Variants in XPO7 observed in about 807,000 individuals in gnomAD.
XPO7 encodes exportin 7, also known as exportin-7.
A neutral mutation model predicts 144.3 loss-of-function variants in XPO7; 21 were observed. The ratio of observed to expected loss-of-function variants is 0.15; its 90% CI spans 0.10 to 0.21. XPO7 has a LOEUF of 0.21. XPO7 is among the 10% of genes least tolerant of loss of function. The pLI, the probability that XPO7 is intolerant of heterozygous loss-of-function variation, is 1.00. For synonymous variants in XPO7, 580 were observed against 499.6 expected, an observed-to-expected ratio of 1.16 and a Z score of -2.15; for missense variants, 808 against 1,325.8, an observed-to-expected ratio of 0.61 and a Z score of 6.06.
At chr8:21,978,299 T>G (rs1812291972) in intron 8 of XPO7, among the ~76,000 whole-genome samples, 1 of 152,246 alleles carries the variant, frequency 6.6e-6, no homozygotes, top group Non-Finnish European at 1.5e-5. Flanking sequence ...AATGGTGTAT[T>G]TCTCTTTTAA....
chr8:21,920,657 G>A (rs1352161397), intron 1 of XPO7, among the ~76,000 whole-genome samples: 1 of 152,218 alleles, frequency 6.6e-6, no homozygotes, highest in African/African-American at 2.4e-5. Flanking sequence ...CCCAGTAGCA[G>A]ATGGAGGACT....
intron 1 of XPO7, among the ~76,000 whole-genome samples, chr8:21,932,071 A>G (rs1460194984): frequency 7.9e-5 from 12 of 151,966 alleles, no homozygotes; most frequent in Non-Finnish European, 1.2e-4. Flanking sequence ...ACGGAGTTTC[A>G]CCGTGTTGGC....
chr8:21,996,784 T>C (rs1378225197), intron 21 of XPO7, among the ~76,000 whole-genome samples: 1 of 152,132 alleles, frequency 6.6e-6, no homozygotes, highest in Non-Finnish European at 1.5e-5. Context: ...AGGTTTTTTT[T>C]CTTTATTTTT....
At position 21,984,739 on chromosome 8, in the gene XPO7, G is replaced by T. The variant is rs373053127; in HGVS notation, c.1371G>T (p.Thr457=). The T allele has an allele frequency of 6.2e-7, 1 of 1,613,994 alleles. No homozygotes were observed. Among genetic ancestry groups the T allele is most frequent in the Non-Finnish European group, 8.5e-7 (1 of 1,179,892 alleles). The change falls in exon 12 of 28, where the codon ACG becomes ACT. Residue 457 remains threonine (T), a synonymous_variant. Coordinates refer to ENST00000252512, the MANE Select transcript of XPO7 (RefSeq NM_015024.5). ...TTGGGCGTTGTGAATATGAGAAGAC[G>T]TGTGCACTCCTCGTGCAGTTGTTTG... ...STIGRCEYEK[T]CALLVQLFDQ... is the part of the protein sequence containing the mutation.
intron 1 of XPO7, among the ~76,000 whole-genome samples, chr8:21,953,425 C>T (rs933588417): frequency 6.6e-6 from 1 of 152,138 alleles, no homozygotes; most frequent in African/African-American, 2.4e-5. Flanking sequence ...ATTTAAGTTC[C>T]TCTATGTCTT....
chr8:21,965,688 T>A (rs1056304866), intron 1 of XPO7, among the ~76,000 whole-genome samples: 1 of 152,172 alleles, frequency 6.6e-6, no homozygotes, highest in African/African-American at 2.4e-5. Context: ...TCAGGTTGAG[T>A]AAAATATGAA....
chr8:21,983,356 A>G (rs1205965584), intron 11 of XPO7, among the ~76,000 whole-genome samples: 1 of 152,226 alleles, frequency 6.6e-6, no homozygotes, highest in East Asian at 1.9e-4. Flanking sequence ...AGCCCTTTCA[A>G]AAATTACCTA....
Position 21,919,762 on chromosome 8 carries a change from T to C in XPO7, c.-9T>C, listed in dbSNP as rs1585406296. On this transcript the variant is annotated 5_prime_UTR_variant, in exon 1 of 28. It removes an upstream start codon present in the reference 5' UTR. Transcript: ENST00000252512. ...AGGGGGGGCCGGAGAGGAGCATGAATGGAGCAAAATGGCGGATCATGTGCA... is the reference window on the plus strand; with the variant it reads ...AGGGGGGGCCGGAGAGGAGCATGAACGGAGCAAAATGGCGGATCATGTGCA... 1.9e-6 allele frequency: 1 copy of C among 538,632 alleles called. No individual in the cohort carries two copies. Among genetic ancestry groups the C allele is most frequent in the Non-Finnish European group, 2.6e-6 (1 of 379,882 alleles). 33.4% of individuals were successfully genotyped at this position (538,632 alleles called of 1,614,324 possible). A position where few individuals can be genotyped will look rare whatever the true frequency, so the allele number is the denominator to read the frequency against.
Position 21,981,839 on chromosome 8 carries a change from A to T in XPO7, c.1066A>T (p.Ile356Phe), listed in dbSNP as rs1431943366. The change falls in exon 10 of 28, where the codon ATC becomes TTC. Residue 356 changes from isoleucine (I) to phenylalanine (F), a missense_variant. This residue lies in a region of XPO7 where 26 missense variants were observed against 85.8 expected (regional missense o/e 0.30). Coordinates refer to ENST00000252512, the MANE Select transcript of XPO7 (RefSeq NM_015024.5). ...AAAGGTGGAAAACTACCCTGAGGTC[A>T]TCCGATTGATAGCCAACTTCACAGT... ...LVKVENYPEV[I>F]RLIANFTVTS... The T allele has an allele frequency of 3.1e-6, 5 of 1,613,958 alleles. No individual in the cohort carries two copies. Among genetic ancestry groups the T allele is most frequent in the Non-Finnish European group, 4.2e-6 (5 of 1,179,828 alleles).
chr8:21,966,012 CTTAA>C (rs1308795538), intron 1 of XPO7, among the ~76,000 whole-genome samples: 4 of 152,082 alleles, frequency 2.6e-5, no homozygotes, highest in Non-Finnish European at 5.9e-5. Context: ...GAAGTATAGT[CTTAA>C]TTAGTTACTT....
At position 21,977,754 on chromosome 8, in the gene XPO7, T is replaced by C. The variant is rs1412608017; in HGVS notation, c.764-16T>C. On this transcript the variant is annotated splice_polypyrimidine_tract_variant and intron_variant, in intron 7 of 27. Coordinates refer to ENST00000252512, the MANE Select transcript of XPO7 (RefSeq NM_015024.5). ...ATACTTAATAAAGTGATGTCTTTTG[T>C]CTTTTTCTTCCCCAGCCTTCTTAGA... The C allele has an allele frequency of 6.2e-7, 1 of 1,613,446 alleles. No homozygotes were observed.
chr8:21,926,555 GT>G lies in XPO7; in HGVS notation c.18+6777del, dbSNP rs80094754. ...TTTGGCAAAAATTATTTCAAAGCTT[GT>G]TTTTTTTTTAACCTCATTCACCTCT... On this transcript the variant is annotated intron_variant, in intron 1 of 27. Transcript: ENST00000252512. Among the ~76,000 whole-genome samples, 1,592 of 148,498 alleles carry G rather than the reference GT, an allele frequency of 0.011. 53 individuals are homozygous for G. In the East Asian group the frequency reaches 0.11, roughly 11 times the overall value.
At chr8:21,953,321 T>A (rs1192387759) in intron 1 of XPO7, among the ~76,000 whole-genome samples, 1 of 152,194 alleles carries the variant, frequency 6.6e-6, no homozygotes, top group Non-Finnish European at 1.5e-5. Flanking sequence ...TTCTGCTGTC[T>A]CTATTGTTTT....
intron 21 of XPO7, 135 bp from the exon 22 acceptor site, chr8:21,998,620 C>A: frequency 1.6e-6 from 1 of 633,984 alleles, no homozygotes; most frequent in Non-Finnish European, 2.7e-6. Flanking sequence ...CTTGGTTATT[C>A]TCATATTAGG....
At position 21,940,022 on chromosome 8, in the gene XPO7, C is replaced by T. The variant is rs921190483; in HGVS notation, c.18+20234C>T. On this transcript the variant is annotated intron_variant, in intron 1 of 27. Transcript: ENST00000252512. ...AAATACCTTTGCTGATGGAAATGTA[C>T]CTTTTCAAATGTGAAGTTGATCTTC... is the stretch of plus-strand genomic sequence containing the variant. Among the ~76,000 whole-genome samples the T allele has an allele frequency of 1.2e-4, 18 of 152,136 alleles. No homozygotes were observed. The South Asian group carries it at 3.1e-3, about 26-fold the overall frequency.
intron 7 of XPO7, among the ~76,000 whole-genome samples, chr8:21,977,033 A>C (rs1198430333): frequency 1.3e-5 from 2 of 152,172 alleles, no homozygotes; most frequent in East Asian, 3.8e-4. Context: ...AAGAACTTTT[A>C]AAATTGCCGA....
At position 21,984,651 on chromosome 8, in the gene XPO7, G is replaced by C. The variant is rs1434554618; in HGVS notation, c.1283G>C (p.Gly428Ala). 6.2e-7 allele frequency: 1 copy of C among 1,611,176 alleles called. No homozygotes were observed. Among genetic ancestry groups the C allele is most frequent in the Non-Finnish European group, 8.5e-7 (1 of 1,178,722 alleles). ...CCTTCTTCCCTTGGGAATAGAGATG[G>C]CCTGGAAGATCCCCTGGAGGATACG... is the stretch of plus-strand genomic sequence containing the variant. ...LESVHIILRD[G>A]LEDPLEDTGL... Residue 428 changes from glycine to alanine, a missense_variant, in exon 12 of 28, where the codon GGC (glycine) becomes GCC (alanine). This residue lies in a region of XPO7 where 416 missense variants were observed against 612.5 expected (regional missense o/e 0.68). Transcript: ENST00000252512.
chr8:21,963,290 T>C (rs887189919), intron 1 of XPO7, among the ~76,000 whole-genome samples: 4 of 152,212 alleles, frequency 2.6e-5, no homozygotes, highest in African/African-American at 9.6e-5. Flanking sequence ...TATGCTTATG[T>C]CTAGTTCAGT....
intron 1 of XPO7, among the ~76,000 whole-genome samples, chr8:21,931,959 G>A (rs1238899716): frequency 6.6e-6 from 1 of 152,010 alleles, no homozygotes; most frequent in Non-Finnish European, 1.5e-5. Context: ...TGCAACCTCC[G>A]CCTCCTGGGT....
Sources: allele counts gnomAD v4.1 joint callset (sites outside exome capture counted in the v4.1 genomes callset), GRCh38; gene constraint gnomAD v4.1.1; regional missense constraint gnomAD v4.1.1; transcripts MANE v1.5; gene names NCBI Gene and HGNC (gene_info 2026-07-23, HGNC 2026-07-21).